RHOH: variants seen among roughly 807,000 people sequenced by gnomAD.
RHOH encodes the protein ras homolog family member H.
A neutral mutation model predicts 13.8 loss-of-function variants in RHOH; 6 were observed. The ratio of observed to expected loss-of-function variants is 0.44; its 90% CI spans 0.24 to 0.86. The LOEUF is 0.86. Ranked by LOEUF, RHOH falls within the 40% of genes least tolerant of loss-of-function variation. The pLI, the probability that RHOH is intolerant of heterozygous loss-of-function variation, is 0.24. For missense variants in RHOH, 147 were observed against 244.5 expected (o/e 0.60, Z 2.66); for synonymous variants, 117 against 103.0 (o/e 1.14, Z -0.82).
At chr4:40,233,360 G>C (rs1301516772) in intron 1 of RHOH, among the ~76,000 whole-genome samples, 1 of 137,304 alleles carries the variant, frequency 7.3e-6, no homozygotes, top group African/African-American at 2.9e-5. Context: ...TAGCCAGTGG[G>C]GCTGAAAGGC....
upstream of RHOH, among the ~76,000 whole-genome samples, chr4:40,196,457 C>A (rs565861774): frequency 3.9e-5 from 6 of 152,320 alleles, no homozygotes; most frequent in South Asian, 2.1e-4. Context: ...AAAAACAACT[C>A]ATCGCCAGGT....
chr4:40,193,489 A>AGAGG (rs1256664917), upstream of RHOH, among the ~76,000 whole-genome samples: 1 of 130,638 alleles, frequency 7.7e-6, no homozygotes, highest in East Asian at 2.8e-4. Context: ...CGAGAGAGAG[A>AGAGG]GAGAGAGAGA....
rs1723578324 is a variant in RHOH, at chr4:40,198,846, T to A, written c.-331+1546T>A. On this transcript the variant is annotated intron_variant, in intron 1 of 2. Coordinates refer to ENST00000381799, the MANE Select transcript of RHOH (RefSeq NM_004310.5). Reference sequence around the variant, plus strand: ...AAATATGTGCTACTTTCTTTGCATGTCTAAATGAGATGGCACGGGTATGCT... The same window carrying A: ...AAATATGTGCTACTTTCTTTGCATGACTAAATGAGATGGCACGGGTATGCT... 2.6e-5 allele frequency among the ~76,000 whole-genome samples: 4 copies of A among 152,260 alleles called. No individual in the cohort carries two copies. In the South Asian group the frequency reaches 8.3e-4, roughly 32 times the overall value.
intron 1 of RHOH, among the ~76,000 whole-genome samples, chr4:40,226,502 GGTAACAAGA>G (rs1253074801): frequency 4.0e-5 from 6 of 149,578 alleles, no homozygotes; most frequent in Non-Finnish European, 7.4e-5. Flanking sequence ...CTCCAGCCTG[GGTAACAAGA>G]GTGAAACTCC....
At chr4:40,206,580 T>A (rs1579245157) in intron 1 of RHOH, among the ~76,000 whole-genome samples, 1 of 43,436 alleles carries the variant, frequency 2.3e-5, no homozygotes, top group Non-Finnish European at 6.5e-5. Flanking sequence ...CTTTGGGCAG[T>A]AACTTGCTGA....
At chr4:40,242,155 C>T (rs961256993) in intron 1 of RHOH, among the ~76,000 whole-genome samples, 3 of 152,234 alleles carry the variant, frequency 2.0e-5, no homozygotes, top group Non-Finnish European at 4.4e-5. Context: ...ACGACACTGT[C>T]TCCAAGGCGG....
intron 1 of RHOH, among the ~76,000 whole-genome samples, chr4:40,217,084 GGTGT>G (rs1363078152): frequency 6.6e-6 from 1 of 152,166 alleles, no homozygotes; most frequent in African/African-American, 2.4e-5. Context: ...TGTTTTGAGT[GGTGT>G]GTGAAAGAGA....
chr4:40,232,935 C>T (rs1238950201), intron 1 of RHOH, among the ~76,000 whole-genome samples: 1 of 152,170 alleles, frequency 6.6e-6, no homozygotes, highest in Non-Finnish European at 1.5e-5. Context: ...CTCCTTTCTC[C>T]CATCTCGAGA....
intron 1 of RHOH, among the ~76,000 whole-genome samples, chr4:40,237,411 TGC>T (rs1728715559): frequency 1.3e-5 from 2 of 150,942 alleles, no homozygotes; most frequent in African/African-American, 2.4e-5. Context: ...GCCAATATCG[TGC>T]CACTGCATAC....
chr4:40,214,930 T>C (rs755296845), intron 1 of RHOH, among the ~76,000 whole-genome samples: 1 of 152,134 alleles, frequency 6.6e-6, no homozygotes, highest in Non-Finnish European at 1.5e-5. Context: ...GCTGTGTTGA[T>C]GGTATTCTAG....
chr4:40,238,109 C>G (rs2109555747), intron 1 of RHOH, among the ~76,000 whole-genome samples: 1 of 152,130 alleles, frequency 6.6e-6, no homozygotes, highest in Non-Finnish European at 1.5e-5. Flanking sequence ...AGAAGACGAG[C>G]CATTTCATCA....
In RHOH at chr4:40,243,842, A is replaced by T; in HGVS notation, c.456A>T (p.Ser152=). The change falls in exon 3 of 3, where the codon TCA becomes TCT. Residue 152 remains serine (S), a synonymous_variant. Transcript: ENST00000381799. This position sits in a 1 kb window ranked among gnomAD's most constrained non-coding sequence, Gnocchi z 6.2. ...GAGCCAAGGGCTACCTGGAGTGCTC[A>T]GCCCTTAGCAATCGGGGAGTACAGC... ...DVRAKGYLEC[S]ALSNRGVQQV... is the part of the protein sequence containing the mutation. 2 of 1,614,206 alleles carry T rather than the reference A, an allele frequency of 1.2e-6. No individual in the cohort carries two copies. The highest frequency in any genetic ancestry group is 1.7e-6 in the Non-Finnish European group (2 of 1,180,018).
chr4:40,223,056 G>T (rs961706639), intron 1 of RHOH, among the ~76,000 whole-genome samples: 1 of 152,218 alleles, frequency 6.6e-6, no homozygotes, highest in African/African-American at 2.4e-5. Context: ...CTGAATGTCT[G>T]TAATCTCATG....
chr4:40,211,502 G>A (rs1029350572), intron 1 of RHOH, among the ~76,000 whole-genome samples: 2 of 152,176 alleles, frequency 1.3e-5, no homozygotes, highest in African/African-American at 2.4e-5. Context: ...TTGAACTCCC[G>A]GCCTCAAGTG....
chr4:40,213,374 C>G (rs1458037718), intron 1 of RHOH, among the ~76,000 whole-genome samples: 1 of 131,338 alleles, frequency 7.6e-6, no homozygotes, highest in Non-Finnish European at 1.7e-5. Flanking sequence ...TTTTTTTTTT[C>G]TCTCTCTCTC....
At chr4:40,206,776 G>A (rs1171723541) in intron 1 of RHOH, among the ~76,000 whole-genome samples, 2 of 151,974 alleles carry the variant, frequency 1.3e-5, no homozygotes, top group Admixed American at 6.6e-5. Flanking sequence ...CAGAATATCC[G>A]GCAATATCAG....
upstream of RHOH, chr4:40,193,624 C>G (rs1340518628): frequency 6.6e-6 from 1 of 152,626 alleles, no homozygotes; most frequent in East Asian, 1.9e-4. Flanking sequence ...TCCCCTCCCC[C>G]TAAGAAAATC....
rs865918325 is a variant in RHOH at position 40,246,434 on chromosome 4, G to A, written c.*2472G>A. 4 of 119,672 alleles carry A rather than the reference G, an allele frequency of 3.3e-5. No individual in the cohort carries two copies. In the South Asian group the frequency reaches 1.1e-3, roughly 33 times the overall value. The allele number at this position is 119,672 out of a possible 1,614,324, so 7.4% of individuals were successfully genotyped here. ...GTCACCTGGGCAAAGACACACAGGT[G>A]AGACCTCCACCTGTTGGCGGGAGCC... is the stretch of plus-strand genomic sequence containing the variant. On this transcript the variant is annotated 3_prime_UTR_variant, in exon 3 of 3. Coordinates refer to ENST00000381799, the MANE Select transcript of RHOH (RefSeq NM_004310.5).
At chr4:40,221,992 A>T (rs1189863405) in intron 1 of RHOH, among the ~76,000 whole-genome samples, 2 of 152,214 alleles carry the variant, frequency 1.3e-5, no homozygotes, top group Non-Finnish European at 2.9e-5. Context: ...TGGGTAGAAG[A>T]TCAAACCAGC....
Sources: gnomAD v4.1 joint callset for allele counts (sites outside exome capture counted in the v4.1 genomes callset) on GRCh38, gnomAD v4.1.1 for gene constraint, Gnocchi (gnomAD v3.1) non-coding constraint, MANE v1.5 for transcripts, NCBI Gene and HGNC (gene_info 2026-07-23, HGNC 2026-07-21) for gene names.